The following NRXN1 variants were observed in gnomAD, a reference collection of about 807,000 sequenced individuals.
NRXN1 encodes neurexin-1.
NRXN1 carries 39 observed loss-of-function variants against 150.9 expected under a neutral mutation model. The ratio of observed to expected loss-of-function variants is 0.26; its 90% CI spans 0.20 to 0.34. The LOEUF (loss-of-function observed/expected upper bound fraction) is 0.34, where lower values mean the gene tolerates loss of function less well. Among genes scored for constraint, NRXN1 ranks in the 10% least tolerant of loss-of-function variants. The pLI, the probability that NRXN1 is intolerant of heterozygous loss-of-function variation, is 1.00. For synonymous variants in NRXN1, 924 were observed against 757.0 expected (o/e 1.22, Z -3.62); for missense variants, 1,815 against 1,949.9 (o/e 0.93, Z 1.30).
At chr2:50,294,310 C>T (rs757048153) in intron 17 of NRXN1, among the ~76,000 whole-genome samples, 3 of 152,052 alleles carry the variant, frequency 2.0e-5, no homozygotes, top group Non-Finnish European at 4.4e-5. Flanking sequence ...AGGAATTGCT[C>T]AATGTTTCTG....
At chr2:50,893,705 A>G (rs1681452049) in intron 5 of NRXN1, among the ~76,000 whole-genome samples, 1 of 152,190 alleles carries the variant, frequency 6.6e-6, no homozygotes, top group Non-Finnish European at 1.5e-5. Context: ...CACAATTATA[A>G]TGTGATTTTT....
intron 5 of NRXN1, among the ~76,000 whole-genome samples, chr2:50,913,200 C>T (rs1005446164): frequency 6.6e-6 from 1 of 151,776 alleles, no homozygotes; most frequent in Non-Finnish European, 1.5e-5. Flanking sequence ...TATCTGTTCA[C>T]TGAGTTTAGA....
chr2:50,623,664 A>G (rs1275610725), intron 5 of NRXN1, 49 bp from the exon 6 acceptor site: 1 of 1,361,972 alleles, frequency 7.3e-7, no homozygotes, highest in African/African-American at 1.4e-5. Context: ...TACACTATGC[A>G]AATCAGCAGG....
At chr2:50,776,999 T>A (rs1703729289) in intron 5 of NRXN1, among the ~76,000 whole-genome samples, 1 of 152,170 alleles carries the variant, frequency 6.6e-6, no homozygotes, top group Admixed American at 6.5e-5. Context: ...GTCTTGTATC[T>A]GCCTGAGAAA....
intron 17 of NRXN1, among the ~76,000 whole-genome samples, chr2:50,380,610 G>A (rs2080886393): frequency 6.6e-6 from 1 of 152,056 alleles, no homozygotes; most frequent in African/African-American, 2.4e-5. Context: ...CTAGCCACTA[G>A]GGATTGTGTG....
intron 2 of NRXN1, among the ~76,000 whole-genome samples, chr2:50,992,192 C>T (rs972815661): frequency 4.6e-5 from 7 of 151,952 alleles, no homozygotes; most frequent in African/African-American, 2.4e-5. Flanking sequence ...ACAGAACTAG[C>T]AATAATGAGT....
chr2:50,274,057 C>A (rs1425331201), intron 17 of NRXN1, among the ~76,000 whole-genome samples: 5 of 152,124 alleles, frequency 3.3e-5, no homozygotes, highest in Non-Finnish European at 7.4e-5. Flanking sequence ...AATCATTCTA[C>A]TATGAGGACA....
intron 2 of NRXN1, among the ~76,000 whole-genome samples, chr2:51,000,232 G>A (rs1314839833): frequency 6.6e-6 from 1 of 151,988 alleles, no homozygotes; most frequent in African/African-American, 2.4e-5. Context: ...AAGACTGAAT[G>A]TGTTCACCCT....
chr2:50,371,750 G>T (rs1055495239), intron 17 of NRXN1, among the ~76,000 whole-genome samples: 1 of 109,100 alleles, frequency 9.2e-6, no homozygotes, highest in East Asian at 5.6e-4. Flanking sequence ...AACATAGCTG[G>T]GACAGTTACT....
intron 21 of NRXN1, among the ~76,000 whole-genome samples, chr2:50,031,621 G>A (rs1253081169): frequency 6.6e-6 from 1 of 152,018 alleles, no homozygotes; most frequent in East Asian, 1.9e-4. Flanking sequence ...CCAGTCAGAA[G>A]CTTGTCTATA....
intron 21 of NRXN1, among the ~76,000 whole-genome samples, chr2:49,962,867 C>A (rs1002054585): frequency 6.6e-6 from 1 of 151,952 alleles, no homozygotes; most frequent in Non-Finnish European, 1.5e-5. Context: ...GCAGGAGGAG[C>A]CCTTGAGCCC....
intron 12 of NRXN1, among the ~76,000 whole-genome samples, chr2:50,510,413 G>A (rs376415567): frequency 9.8e-5 from 14 of 142,874 alleles, no homozygotes; most frequent in African/African-American, 3.3e-4. Flanking sequence ...TTGAACCCAG[G>A]AGGCGGAGGT....
chr2:51,005,645 A>C (rs905398392), intron 2 of NRXN1, among the ~76,000 whole-genome samples: 1 of 151,972 alleles, frequency 6.6e-6, no homozygotes, highest in Non-Finnish European at 1.5e-5. Context: ...ACAAAGGAGA[A>C]AGAAAAAGGA....
At chr2:50,979,216 T>C (rs1013186804) in intron 2 of NRXN1, 1 of 514,072 alleles carries the variant, frequency 1.9e-6, no homozygotes, top group Non-Finnish European at 3.9e-6. Flanking sequence ...ATTTCCTCTG[T>C]GATATGAGAA....
chr2:50,036,125 C>T (rs565920759), intron 21 of NRXN1, among the ~76,000 whole-genome samples: 6 of 152,210 alleles, frequency 3.9e-5, no homozygotes, highest in South Asian at 2.1e-4. Context: ...ATTATAATCC[C>T]GGTAATCCTC....
intron 17 of NRXN1, among the ~76,000 whole-genome samples, chr2:50,454,721 T>TC (rs1289470932): frequency 2.0e-5 from 3 of 148,396 alleles, no homozygotes; most frequent in Admixed American, 6.8e-5. Context: ...TAACGGATCC[T>TC]CCAAGACACC....
intron 2 of NRXN1, chr2:50,964,101 GACA>G: frequency 6.7e-6 from 2 of 298,294 alleles, no homozygotes; most frequent in Admixed American, 4.0e-5. Flanking sequence ...ATGTTATTTC[GACA>G]ACGATTACAA....
At chr2:50,195,641 C>T (rs541170891) in intron 18 of NRXN1, among the ~76,000 whole-genome samples, 1 of 152,144 alleles carries the variant, frequency 6.6e-6, no homozygotes, top group Non-Finnish European at 1.5e-5. Context: ...ACTCTCCTCC[C>T]TCTTCCCAAG....
At position 49,918,619 on chromosome 2, in the gene NRXN1, G is replaced by A. The variant is rs180829817; in HGVS notation, c.*3325C>T. The A allele has an allele frequency of 6.6e-6, 1 of 152,176 alleles. No individual in the cohort carries two copies. Among genetic ancestry groups the A allele is most frequent in the Non-Finnish European group, 1.5e-5 (1 of 67,962 alleles). 9.4% of individuals were successfully genotyped at this position (152,176 alleles called of 1,614,324 possible). A position where few individuals can be genotyped will look rare whatever the true frequency, so the allele number is the denominator to read the frequency against. On this transcript the variant is annotated 3_prime_UTR_variant, in exon 23 of 23. Coordinates refer to ENST00000401669, the MANE Select transcript of NRXN1 (RefSeq NM_001330078.2). Reference sequence around the variant, plus strand: ...TTTAATATTGTTTGCAACTAATACTGTATGAGTTTATGGTTTCTGGCATAT... The same window carrying A: ...TTTAATATTGTTTGCAACTAATACTATATGAGTTTATGGTTTCTGGCATAT...
Sources: gnomAD v4.1 joint callset for allele counts (sites outside exome capture counted in the v4.1 genomes callset) on GRCh38, gnomAD v4.1.1 for gene constraint, MANE v1.5 for transcripts, NCBI Gene and HGNC (gene_info 2026-07-23, HGNC 2026-07-21) for gene names.